The following TMPRSS15 variants were observed in gnomAD, a reference collection of about 807,000 sequenced individuals.
TMPRSS15 encodes the protein transmembrane serine protease 15, also known as enteropeptidase.
In TMPRSS15, 128 loss-of-function variants were observed where a neutral mutation model predicts 125.3. That is an observed-to-expected ratio of 1.02 (90% CI 0.89 to 1.18). TMPRSS15 has a LOEUF of 1.18. TMPRSS15 is among the 50% of genes most tolerant of loss of function. The pLI is 0.00. For synonymous variants in TMPRSS15, 446 were observed against 423.2 expected, an observed-to-expected ratio of 1.05 and a Z score of -0.66; for missense variants, 1,283 against 1,212.7, an observed-to-expected ratio of 1.06 and a Z score of -0.86.
intron 1 of TMPRSS15, among the ~76,000 whole-genome samples, chr21:18,410,056 T>C (rs1240343678): frequency 6.6e-6 from 1 of 151,410 alleles, no homozygotes; most frequent in Non-Finnish European, 1.5e-5. Context: ...TCCCATAGAG[T>C]AGGTTAATGT....
chr21:18,441,089 TCGAGACCA>T (rs1401662288), intron 1 of TMPRSS15, among the ~76,000 whole-genome samples: 1 of 149,544 alleles, frequency 6.7e-6, no homozygotes, highest in Non-Finnish European at 1.5e-5. Context: ...GGTCAGGAGT[TCGAGACCA>T]GCCTGACCAA....
At chr21:18,298,484 T>G (rs1272234210) in intron 18 of TMPRSS15, among the ~76,000 whole-genome samples, 2 of 152,228 alleles carry the variant, frequency 1.3e-5, no homozygotes, top group Non-Finnish European at 1.5e-5. Flanking sequence ...CTCTGTGTGA[T>G]CAAAGACATT....
At chr21:18,455,836 T>C (rs555509332) in intron 1 of TMPRSS15, among the ~76,000 whole-genome samples, 79 of 152,224 alleles carry the variant, frequency 5.2e-4, no homozygotes, top group Admixed American at 1.6e-3. Flanking sequence ...ATTTTAACAA[T>C]TGCGAGGATG....
At chr21:18,472,336 T>C (rs1453725031) in intron 1 of TMPRSS15, among the ~76,000 whole-genome samples, 1 of 151,744 alleles carries the variant, frequency 6.6e-6, no homozygotes. Context: ...AAACGTATGT[T>C]CTAAAAATGA....
In TMPRSS15 at chr21:18,303,865, A is replaced by G. The variant is rs190284072; in HGVS notation, c.2166-6036T>C. Reference sequence around the variant, plus strand: ...TACATATTAAAAAGTGTAAGCCAAAATACGAATGAAAGACAAAGAAGATTC... The same window carrying G: ...TACATATTAAAAAGTGTAAGCCAAAGTACGAATGAAAGACAAAGAAGATTC... On this transcript the variant is annotated intron_variant, in intron 18 of 24. Coordinates refer to ENST00000284885, the MANE Select transcript of TMPRSS15 (RefSeq NM_002772.3). Among the ~76,000 whole-genome samples the G allele has an allele frequency of 2.0e-5, 3 of 152,332 alleles. No homozygotes were observed. In the East Asian group the frequency reaches 5.8e-4, roughly 29 times the overall value.
At chr21:18,431,770 G>A (rs1386274270) in intron 1 of TMPRSS15, among the ~76,000 whole-genome samples, 3 of 151,856 alleles carry the variant, frequency 2.0e-5, no homozygotes, top group Admixed American at 2.0e-4. Context: ...AGAAAATATA[G>A]GATTTATCTA....
intron 1 of TMPRSS15, among the ~76,000 whole-genome samples, chr21:18,482,623 A>T (rs1010725391): frequency 6.6e-6 from 1 of 151,150 alleles, no homozygotes; most frequent in African/African-American, 2.4e-5. Flanking sequence ...TATTCCTTCA[A>T]TTTTTTTTGT....
intron 19 of TMPRSS15, among the ~76,000 whole-genome samples, chr21:18,295,547 C>T (rs17771186): frequency 0.059 from 8,987 of 151,740 alleles, 369 homozygotes; most frequent in Non-Finnish European, 0.092. Context: ...AAAAATGCAA[C>T]GTAAATAAGA....
chr21:18,334,150 G>T (rs374752474), intron 13 of TMPRSS15, among the ~76,000 whole-genome samples: 1 of 152,086 alleles, frequency 6.6e-6, no homozygotes, highest in Non-Finnish European at 1.5e-5. Context: ...ATTTATGTAA[G>T]TCACTTGAAA....
intron 12 of TMPRSS15, 152 bp from the exon 13 acceptor site, chr21:18,341,700 T>A (rs1406774867): frequency 3.4e-6 from 3 of 881,584 alleles, no homozygotes. Flanking sequence ...TAGTGAAATC[T>A]TGACAGATCA....
chr21:18,341,168 C>T (rs941517679), intron 13 of TMPRSS15, among the ~76,000 whole-genome samples: 1 of 152,058 alleles, frequency 6.6e-6, no homozygotes, highest in African/African-American at 2.4e-5. Context: ...CTCAAGAGTC[C>T]CTCCTGCCTC....
intron 1 of TMPRSS15, among the ~76,000 whole-genome samples, chr21:18,424,742 AAGAGCT>A (rs1799664357): frequency 6.6e-6 from 1 of 152,152 alleles, no homozygotes; most frequent in Admixed American, 6.5e-5. Context: ...ATGGTTAAAA[AAGAGCT>A]AGGCATCTGC....
intron 5 of TMPRSS15, among the ~76,000 whole-genome samples, chr21:18,376,760 A>G (rs1433144220): frequency 6.6e-6 from 1 of 152,204 alleles, no homozygotes; most frequent in Non-Finnish European, 1.5e-5. Context: ...CCTCAGTTCC[A>G]GTCCTTCTCC....
Position 18,365,223 on chromosome 21 carries a change from C to G in TMPRSS15, c.690G>C (p.Leu230Phe), listed in dbSNP as rs752850077. The G allele has an allele frequency of 6.2e-7, 1 of 1,614,052 alleles. No individual in the cohort carries two copies. The highest frequency in any genetic ancestry group is 1.1e-5 in the South Asian group (1 of 91,080). ...MCATVCDGRF[L>F]LTGSSGSFQA... ...GGAAAGACCCAGATGATCCAGTTAACAAAAATCTTCCATCACAAACTGTGG... is the reference window on the plus strand; with the variant it reads ...GGAAAGACCCAGATGATCCAGTTAAGAAAAATCTTCCATCACAAACTGTGG... The change falls in exon 7 of 25, where the codon TTG becomes TTC. Residue 230 changes from leucine to phenylalanine, a missense_variant. Coordinates refer to ENST00000284885, the MANE Select transcript of TMPRSS15 (RefSeq NM_002772.3).
intron 16 of TMPRSS15, among the ~76,000 whole-genome samples, chr21:18,318,483 G>A (rs2075197516): frequency 6.6e-6 from 1 of 152,118 alleles, no homozygotes; most frequent in South Asian, 2.1e-4. Context: ...GGGAAAAAAG[G>A]GAAGTGGAAA....
At chr21:18,435,525 C>T (rs1030320611) in intron 1 of TMPRSS15, among the ~76,000 whole-genome samples, 2 of 152,084 alleles carry the variant, frequency 1.3e-5, no homozygotes, top group Non-Finnish European at 1.5e-5. Flanking sequence ...CTGCTAGATT[C>T]GGTTTTCCAG....
intron 21 of TMPRSS15, among the ~76,000 whole-genome samples, chr21:18,292,584 C>T (rs895870877): frequency 2.6e-5 from 4 of 152,114 alleles, no homozygotes; most frequent in African/African-American, 9.7e-5. Flanking sequence ...AATATTACTG[C>T]GAGCCTGATT....
At chr21:18,440,404 T>C (rs910729872) in intron 1 of TMPRSS15, among the ~76,000 whole-genome samples, 1 of 132,180 alleles carries the variant, frequency 7.6e-6, no homozygotes, top group Non-Finnish European at 1.7e-5. Flanking sequence ...ACTGTAGTGA[T>C]GTGTATTTTC....
chr21:18,357,661 C>T (rs1479933306), intron 8 of TMPRSS15, among the ~76,000 whole-genome samples: 2 of 151,738 alleles, frequency 1.3e-5, no homozygotes, highest in Non-Finnish European at 3.0e-5. Flanking sequence ...GAGCTTGTGA[C>T]TTGAGAATGA....
Sources: gnomAD v4.1 joint callset for allele counts (sites outside exome capture counted in the v4.1 genomes callset) on GRCh38, gnomAD v4.1.1 for gene constraint, MANE v1.5 for transcripts, NCBI Gene and HGNC (gene_info 2026-07-23, HGNC 2026-07-21) for gene names.